The following CPED1 variants were observed in gnomAD, a reference collection of about 807,000 sequenced individuals.
The protein encoded by CPED1 is cadherin-like and PC-esterase domain-containing protein 1.
A neutral mutation model predicts 128.2 loss-of-function variants in CPED1; 114 were observed. That is an observed-to-expected ratio of 0.89 (90% CI 0.76 to 1.04). The LOEUF (loss-of-function observed/expected upper bound fraction) is 1.04, where lower values mean the gene tolerates loss of function less well. CPED1 is among the 50% of genes least tolerant of loss of function. CPED1 has a pLI of 0.00. For synonymous variants in CPED1, 462 were observed against 426.7 expected (o/e 1.08, Z -1.02); for missense variants, 1,211 against 1,207.1 (o/e 1.00, Z -0.05).
At chr7:121,039,144 G>C (rs1022831036) in intron 3 of CPED1, among the ~76,000 whole-genome samples, 14 of 152,044 alleles carry the variant, frequency 9.2e-5, no homozygotes, top group African/African-American at 3.4e-4. Flanking sequence ...TCTTCTGCAT[G>C]AGAGATTTGT....
At chr7:121,248,300 G>T (rs1798584710) in intron 18 of CPED1, among the ~76,000 whole-genome samples, 1 of 152,120 alleles carries the variant, frequency 6.6e-6, no homozygotes, top group Non-Finnish European at 1.5e-5. Context: ...CTATCTCCTT[G>T]CCGGAGCCTC....
In CPED1 at chr7:121,253,085, G is replaced by A. The variant is rs572247004; in HGVS notation, c.2310+8747G>A. Among the ~76,000 whole-genome samples, 694 of 152,068 alleles carry A rather than the reference G, an allele frequency of 4.6e-3. 8 individuals are homozygous for A. The highest frequency in any genetic ancestry group is 7.1e-3 in the Non-Finnish European group (482 of 68,008). The stretch of plus-strand genomic sequence containing the variant: ...GCCAAATGTCCAACAATGATAGACT[G>A]GATTAAGAAAATGTGGCACATATAC... On this transcript the variant is annotated intron_variant, in intron 18 of 22. Coordinates refer to ENST00000310396, the MANE Select transcript of CPED1 (RefSeq NM_024913.5).
intron 18 of CPED1, among the ~76,000 whole-genome samples, chr7:121,246,463 T>C (rs1469049665): frequency 2.0e-5 from 3 of 152,206 alleles, no homozygotes; most frequent in African/African-American, 7.2e-5. Context: ...GTTCTTGGGA[T>C]AGCCCTCTTC....
Position 121,010,972 on chromosome 7 carries a change from CA to C in CPED1, c.250-4692del, listed in dbSNP as rs905580277. Among the ~76,000 whole-genome samples the C allele has an allele frequency of 5.0e-4, 76 of 152,210 alleles. 1 individual carries two copies. The highest frequency in any genetic ancestry group is 2.0e-3 in the Admixed American group (31 of 15,288). The stretch of plus-strand genomic sequence containing the variant: ...TCCCTAAAATAAGAGTACATTTCAC[CA>C]GTGGGGAAAAGAATCTGTATTTTAT... On this transcript the variant is annotated intron_variant, in intron 2 of 22. Coordinates refer to ENST00000310396, the MANE Select transcript of CPED1 (RefSeq NM_024913.5).
intron 11 of CPED1, 125 bp downstream of exon 11, chr7:121,128,611 C>T (rs1315756986): frequency 3.4e-6 from 2 of 596,626 alleles, no homozygotes; most frequent in Non-Finnish European, 6.0e-6. Context: ...TCTTTATAAG[C>T]TACTTTGCTC....
chr7:121,260,123 C>T (rs1395145987), intron 18 of CPED1, among the ~76,000 whole-genome samples: 1 of 150,484 alleles, frequency 6.6e-6, no homozygotes, highest in Non-Finnish European at 1.5e-5. Context: ...TCAATAAATA[C>T]TACAACAATC....
At chr7:121,210,149 A>G (rs1797610288) in intron 16 of CPED1, among the ~76,000 whole-genome samples, 1 of 152,028 alleles carries the variant, frequency 6.6e-6, no homozygotes, top group South Asian at 2.1e-4. Context: ...TATCCAAAAG[A>G]CAGGTAATAA....
intron 18 of CPED1, among the ~76,000 whole-genome samples, chr7:121,254,561 G>C (rs1431964647): frequency 1.3e-5 from 2 of 151,874 alleles, no homozygotes; most frequent in Non-Finnish European, 2.9e-5. Context: ...ACTAATGTTA[G>C]AGAAGAACTG....
intron 4 of CPED1, among the ~76,000 whole-genome samples, chr7:121,060,768 G>A (rs988473633): frequency 1.3e-5 from 2 of 152,208 alleles, no homozygotes; most frequent in Non-Finnish European, 2.9e-5. Context: ...GGCTGTCCCA[G>A]CCAGCAGTGG....
rs545348920 is a variant in CPED1 at position 121,149,962 on chromosome 7, C to A, written c.2055+7821C>A. On this transcript the variant is annotated intron_variant, in intron 16 of 22. Coordinates refer to ENST00000310396, the MANE Select transcript of CPED1 (RefSeq NM_024913.5). ...TTTCTTCACTTCCTTCCCCATTTCT[C>A]AAGCCAAACTAACTCAAGCAAAGGT... is the stretch of plus-strand genomic sequence containing the variant. Among the ~76,000 whole-genome samples the A allele has an allele frequency of 1.1e-4, 16 of 152,234 alleles. No individual in the cohort carries two copies. The South Asian group carries it at 3.3e-3, about 32-fold the overall frequency.
intron 16 of CPED1, among the ~76,000 whole-genome samples, chr7:121,222,306 C>T (rs578184616): frequency 2.0e-4 from 30 of 152,058 alleles, no homozygotes; most frequent in South Asian, 1.7e-3. Context: ...TTCTGTTCCA[C>T]TGGTCTATAT....
chr7:121,135,217 T>A (rs1795759885), intron 13 of CPED1, among the ~76,000 whole-genome samples: 1 of 151,992 alleles, frequency 6.6e-6, no homozygotes, highest in African/African-American at 2.4e-5. Flanking sequence ...AGCTTTTTGT[T>A]ACAAGAAAAA....
At chr7:121,272,704 C>G (rs1792256860) in intron 22 of CPED1, among the ~76,000 whole-genome samples, 1 of 152,122 alleles carries the variant, frequency 6.6e-6, no homozygotes, top group Non-Finnish European at 1.5e-5. Context: ...GAAGCTTTCT[C>G]TCTCACTCTC....
intron 2 of CPED1, among the ~76,000 whole-genome samples, chr7:121,009,864 A>G (rs2116793625): frequency 6.6e-6 from 1 of 152,316 alleles, no homozygotes; most frequent in Non-Finnish European, 1.5e-5. Context: ...TTTGAGATGC[A>G]AATATTGAAC....
chr7:121,008,916 C>T (rs1426743972), intron 2 of CPED1, among the ~76,000 whole-genome samples: 4 of 152,142 alleles, frequency 2.6e-5, no homozygotes, highest in African/African-American at 9.7e-5. Flanking sequence ...GAGGCAGAAT[C>T]GGTTTTGCCA....
chr7:121,183,041 G>C (rs1423479552), intron 16 of CPED1, among the ~76,000 whole-genome samples: 1 of 151,736 alleles, frequency 6.6e-6, no homozygotes, highest in Non-Finnish European at 1.5e-5. Flanking sequence ...TTGCAAAAAT[G>C]TATGAATCAT....
At chr7:121,016,262 G>T (rs1260639814) in intron 3 of CPED1, among the ~76,000 whole-genome samples, 1 of 152,122 alleles carries the variant, frequency 6.6e-6, no homozygotes, top group Non-Finnish European at 1.5e-5. Context: ...TTCACAGATT[G>T]GCTCTAAATA....
chr7:121,223,165 AG>A (rs1794870333), intron 16 of CPED1, among the ~76,000 whole-genome samples: 2 of 152,160 alleles, frequency 1.3e-5, no homozygotes, highest in East Asian at 1.9e-4. Flanking sequence ...TTTAGCATGA[AG>A]GGCTGTTGAA....
chr7:121,193,567 A>T (rs1358212455), intron 16 of CPED1, among the ~76,000 whole-genome samples: 2 of 152,116 alleles, frequency 1.3e-5, no homozygotes, highest in African/African-American at 2.4e-5. Flanking sequence ...CAATGGCATG[A>T]TATGCTCCAA....
Sources: gnomAD v4.1 joint callset for allele counts (sites outside exome capture counted in the v4.1 genomes callset) on GRCh38, gnomAD v4.1.1 for gene constraint, MANE v1.5 for transcripts, NCBI Gene and HGNC (gene_info 2026-07-23, HGNC 2026-07-21) for gene names.